Variants in LRBA observed in about 807,000 individuals in gnomAD.
LRBA encodes the protein lipopolysaccharide-responsive and beige-like anchor protein.
LRBA carries 176 observed loss-of-function variants against 330.0 expected under a neutral mutation model. That is an observed-to-expected ratio of 0.53 (90% CI 0.47 to 0.60). The LOEUF (loss-of-function observed/expected upper bound fraction) is 0.60, where lower values mean the gene tolerates loss of function less well. Ranked by LOEUF, LRBA falls within the 20% of genes least tolerant of loss-of-function variation. LRBA has a pLI of 0.00. For missense variants in LRBA, 3,259 were observed against 3,444.8 expected, an observed-to-expected ratio of 0.95 and a Z score of 1.35; for synonymous variants, 1,230 against 1,193.0, an observed-to-expected ratio of 1.03 and a Z score of -0.64.
Position 150,590,825 on chromosome 4 carries a change from C to T in LRBA, c.6081G>A (p.Gln2027=). 6.2e-7 allele frequency: 1 copy of T among 1,613,684 alleles called. No individual in the cohort carries two copies. Among genetic ancestry groups the T allele is most frequent in the East Asian group, 2.2e-5 (1 of 44,864 alleles). ...TDEDILAKGK[Q]SIRSQALGNQ... ...TTCCTAAAGCCTGACTCCTGATGGA[C>T]TGTTTTCCTTTAGCAAGGATATCTT... The change falls in exon 39 of 57, where the codon CAG becomes CAA. Residue 2027 remains glutamine, a synonymous_variant. Transcript: ENST00000651943.
At chr4:150,617,450 T>G (rs780054489) in intron 37 of LRBA, among the ~76,000 whole-genome samples, 1 of 151,232 alleles carries the variant, frequency 6.6e-6, no homozygotes, top group Admixed American at 6.6e-5. Flanking sequence ...GGGACCAGGC[T>G]GGCCAACATG....
intron 37 of LRBA, among the ~76,000 whole-genome samples, chr4:150,613,088 A>G (rs1364924758): frequency 6.6e-6 from 1 of 152,216 alleles, no homozygotes; most frequent in African/African-American, 2.4e-5. Flanking sequence ...AGTTAGAGCC[A>G]TAACATAAAA....
At chr4:150,524,119 G>A (rs766558971) in intron 40 of LRBA, among the ~76,000 whole-genome samples, 7 of 152,148 alleles carry the variant, frequency 4.6e-5, no homozygotes, top group Non-Finnish European at 7.4e-5. Context: ...CAAGTACAGA[G>A]TACTATATAT....
chr4:150,953,968 C>CCCG (rs765785773), intron 2 of LRBA, among the ~76,000 whole-genome samples: 90 of 5,828 alleles, frequency 0.015, no homozygotes, highest in Non-Finnish European at 0.047. Flanking sequence ...GCGCCTCTGC[C>CCCG]CCGCCACCCC....
At position 150,441,145 on chromosome 4, in the gene LRBA, AT is replaced by A. The variant is rs1394650521; in HGVS notation, c.6781-4282del. ...TAATAATTATTATTTTTTTCAGGTTATTTGATGAAGAATATTTAATAAAAAA... is the reference window on the plus strand; with the variant it reads ...TAATAATTATTATTTTTTTCAGGTTATTGATGAAGAATATTTAATAAAAAA... On this transcript the variant is annotated intron_variant, in intron 44 of 56. Coordinates refer to ENST00000651943, the MANE Select transcript of LRBA (RefSeq NM_001364905.1). Among the ~76,000 whole-genome samples, 4 of 151,958 alleles carry A rather than the reference AT, an allele frequency of 2.6e-5. No individual in the cohort carries two copies. The South Asian group carries it at 8.3e-4, about 31-fold the overall frequency.
rs192682487 is a variant in LRBA at position 150,765,768 on chromosome 4, C to T, written c.5581-3921G>A. On this transcript the variant is annotated intron_variant, in intron 34 of 56. Coordinates refer to ENST00000651943, the MANE Select transcript of LRBA (RefSeq NM_001364905.1). ...ATTAAGTAGGCAGGTAAAGGGTAAA[C>T]ATCATTTAGATTTTATTTTCATTAT... Among the ~76,000 whole-genome samples, 278 of 152,114 alleles carry T rather than the reference C, an allele frequency of 1.8e-3. 1 individual carries two copies. Among genetic ancestry groups the T allele is most frequent in the African/African-American group, 6.3e-3 (263 of 41,538 alleles).
At chr4:150,832,371 G>A (rs537384371) in intron 28 of LRBA, among the ~76,000 whole-genome samples, 24 of 152,210 alleles carry the variant, frequency 1.6e-4, no homozygotes, top group African/African-American at 5.1e-4. Flanking sequence ...CAAACCAGGC[G>A]GATCACTTGA....
At chr4:150,722,650 A>G (rs568691688) in intron 36 of LRBA, among the ~76,000 whole-genome samples, 5 of 152,212 alleles carry the variant, frequency 3.3e-5, no homozygotes, top group Non-Finnish European at 4.4e-5. Flanking sequence ...GCAGAGCACG[A>G]TGGCAGAATA....
intron 14 of LRBA, among the ~76,000 whole-genome samples, chr4:150,899,155 A>G (rs1241432087): frequency 6.6e-6 from 1 of 152,186 alleles, no homozygotes; most frequent in Non-Finnish European, 1.5e-5. Flanking sequence ...CAGGGCAACT[A>G]CAACCACAAA....
chr4:150,345,959 C>T (rs949750610), intron 48 of LRBA, among the ~76,000 whole-genome samples: 3 of 152,122 alleles, frequency 2.0e-5, no homozygotes, highest in Middle Eastern at 3.4e-3. Flanking sequence ...AGGTGTACAC[C>T]ACCACACCCA....
At chr4:150,490,424 A>C (rs2152102968) in intron 41 of LRBA, among the ~76,000 whole-genome samples, 1 of 151,958 alleles carries the variant, frequency 6.6e-6, no homozygotes, top group Non-Finnish European at 1.5e-5. Flanking sequence ...CTGCAAATTA[A>C]ATTTTAGTTC....
intron 40 of LRBA, chr4:150,581,209 A>C (rs1771286609): frequency 3.2e-6 from 1 of 316,740 alleles, no homozygotes; most frequent in Non-Finnish European, 6.3e-6. Flanking sequence ...ATACATGTGA[A>C]TCTTAATTAT....
intron 9 of LRBA, 104 bp downstream of exon 9, chr4:150,914,091 T>G (rs923416115): frequency 2.5e-5 from 23 of 909,828 alleles, no homozygotes; most frequent in African/African-American, 5.0e-5. Context: ...GGTCTCATTT[T>G]TCTTTTTTTT....
chr4:150,510,050 T>C (rs781119667), intron 40 of LRBA, among the ~76,000 whole-genome samples: 92 of 152,136 alleles, frequency 6.0e-4, no homozygotes, highest in Non-Finnish European at 1.1e-3. Flanking sequence ...GCAGGAGAAT[T>C]GCTTGAAACC....
chr4:150,435,827 A>G, intron 45 of LRBA, 119 bp from the exon 46 acceptor site: 1 of 574,288 alleles, frequency 1.7e-6, no homozygotes, highest in Non-Finnish European at 2.9e-6. Context: ...AATATAAACT[A>G]GGTATATAAT....
At chr4:150,685,422 T>C (rs866893668) in intron 36 of LRBA, among the ~76,000 whole-genome samples, 1 of 12,558 alleles carries the variant, frequency 8.0e-5, no homozygotes, top group African/African-American at 3.4e-4. Flanking sequence ...ATATATATAT[T>C]TTTTTTTTTT....
intron 2 of LRBA, among the ~76,000 whole-genome samples, chr4:150,949,334 A>C (rs1579292713): frequency 6.6e-6 from 1 of 152,198 alleles, no homozygotes; most frequent in Non-Finnish European, 1.5e-5. Context: ...TTTTTTTCTC[A>C]AGTTCGTACA....
At chr4:150,907,224 GGGGGAGGGGGGAGGGAGAGGGAGA>G (rs1731427641) in intron 11 of LRBA, among the ~76,000 whole-genome samples, 1 of 114,354 alleles carries the variant, frequency 8.7e-6, no homozygotes, top group East Asian at 2.9e-4. Flanking sequence ...TTTCAATACG[GGGGGAGGGGGGAGGGAGAGGGAGA>G]GGGGAGGGAG....
chr4:150,723,755 C>T (rs1459631836), intron 36 of LRBA, among the ~76,000 whole-genome samples: 1 of 152,208 alleles, frequency 6.6e-6, no homozygotes, highest in East Asian at 1.9e-4. Context: ...TAAGCTGGCT[C>T]TTGGGGTCCC....
Sources: allele counts gnomAD v4.1 joint callset (sites outside exome capture counted in the v4.1 genomes callset), GRCh38; gene constraint gnomAD v4.1.1; transcripts MANE v1.5; gene names NCBI Gene and HGNC (gene_info 2026-07-23, HGNC 2026-07-21).